DGKH: variants seen among roughly 807,000 people sequenced by gnomAD.
The protein encoded by DGKH is DAG kinase eta.
DGKH carries 90 observed loss-of-function variants against 159.3 expected under a neutral mutation model. The ratio of observed to expected loss-of-function variants is 0.57; its 90% CI spans 0.48 to 0.67. DGKH has a LOEUF of 0.67. DGKH is among the 30% of genes least tolerant of loss of function. The pLI, the probability that DGKH is intolerant of heterozygous loss-of-function variation, is 0.00. For missense variants in DGKH, 1,181 were observed against 1,506.1 expected (o/e 0.78, Z 3.57); for synonymous variants, 536 against 553.8 (o/e 0.97, Z 0.45).
At chr13:42,068,091 TAC>T (rs996957668) in intron 1 of DGKH, among the ~76,000 whole-genome samples, 4 of 152,164 alleles carry the variant, frequency 2.6e-5, no homozygotes, top group African/African-American at 9.7e-5. Context: ...CAAATTCCTA[TAC>T]ACAGTGAGCA....
chr13:42,174,060 G>A lies in DGKH; in HGVS notation c.1368G>A (p.Arg456=), dbSNP rs1956539273. Residue 456 remains arginine, a splice_region_variant and synonymous_variant, in exon 12 of 30, where the codon AGG becomes AGA. Coordinates refer to ENST00000337343, the MANE Select transcript of DGKH (RefSeq NM_178009.5). The stretch of plus-strand genomic sequence containing the variant: ...GACCAAAGAGTTTTTCTCCCTTCAG[G>A]TGGAGTATAATGACATATGAACTCA... ...LERASTKMLD[R]WSIMTYELKL... is the part of the protein sequence containing the mutation. The A allele has an allele frequency of 6.2e-7, 1 of 1,611,776 alleles. No homozygotes were observed. The highest frequency in any genetic ancestry group is 1.3e-5 in the African/African-American group (1 of 74,664).
chr13:42,132,111 T>G (rs1484141153), intron 3 of DGKH, among the ~76,000 whole-genome samples: 2 of 152,212 alleles, frequency 1.3e-5, no homozygotes, highest in East Asian at 3.8e-4. Flanking sequence ...TTTCCCCCAA[T>G]CAACATTTAT....
At chr13:42,129,876 TTAAG>T (rs1241299004) in intron 3 of DGKH, among the ~76,000 whole-genome samples, 2 of 152,226 alleles carry the variant, frequency 1.3e-5, no homozygotes, top group African/African-American at 2.4e-5. Flanking sequence ...TTTTAGTGCT[TTAAG>T]TTTTTCACCT....
At chr13:42,223,226 T>A (rs1958030481) in intron 29 of DGKH, among the ~76,000 whole-genome samples, 1 of 152,146 alleles carries the variant, frequency 6.6e-6, no homozygotes, top group African/African-American at 2.4e-5. Context: ...CAGCGGCAAG[T>A]CCTTCAGACC....
At chr13:42,056,053 A>G (rs1325564483) in intron 1 of DGKH, among the ~76,000 whole-genome samples, 6 of 152,178 alleles carry the variant, frequency 3.9e-5, no homozygotes, top group Non-Finnish European at 2.9e-5. Flanking sequence ...ACTTGGAACC[A>G]CTGCTCTCCA....
chr13:42,070,982 C>T, intron 1 of DGKH: 1 of 1,320,966 alleles, frequency 7.6e-7, no homozygotes, highest in Non-Finnish European at 1.1e-6. Flanking sequence ...TCATTGTCTA[C>T]AGCAGAAAAA....
chr13:42,096,449 C>T (rs755429129), intron 1 of DGKH, among the ~76,000 whole-genome samples: 13 of 152,172 alleles, frequency 8.5e-5, no homozygotes, highest in Non-Finnish European at 1.6e-4. Flanking sequence ...CATAGTATTC[C>T]GTGGTGTATA....
intron 9 of DGKH, among the ~76,000 whole-genome samples, chr13:42,168,230 T>C (rs1956357034): frequency 6.6e-6 from 1 of 152,194 alleles, no homozygotes; most frequent in Admixed American, 6.5e-5. Context: ...AATTTTATCT[T>C]CATTTCTACT....
chr13:42,061,813 G>A (rs761889140), intron 1 of DGKH, among the ~76,000 whole-genome samples: 27 of 152,180 alleles, frequency 1.8e-4, no homozygotes, highest in Non-Finnish European at 3.7e-4. Flanking sequence ...TCTATTCTAG[G>A]TGCTGAGATG....
intron 26 of DGKH, among the ~76,000 whole-genome samples, chr13:42,217,421 T>C (rs960102480): frequency 6.6e-6 from 1 of 151,978 alleles, no homozygotes; most frequent in East Asian, 1.9e-4. Flanking sequence ...TTTTTTCTTT[T>C]CAATAGAGAC....
At chr13:42,253,337 G>A (rs1958633780) in intron 30 of DGKH, among the ~76,000 whole-genome samples, 1 of 152,160 alleles carries the variant, frequency 6.6e-6, no homozygotes, top group Admixed American at 6.5e-5. Flanking sequence ...GACACAGCAA[G>A]CAGAGGCCAT....
intron 1 of DGKH, among the ~76,000 whole-genome samples, chr13:42,053,036 G>C (rs1472446632): frequency 6.6e-6 from 1 of 151,918 alleles, no homozygotes; most frequent in Admixed American, 6.6e-5. Context: ...TCAGAATTTT[G>C]CATCAACATT....
At chr13:42,111,816 G>A (rs767647964) in intron 1 of DGKH, among the ~76,000 whole-genome samples, 19 of 152,182 alleles carry the variant, frequency 1.2e-4, no homozygotes, top group Non-Finnish European at 2.4e-4. Context: ...CACTTCTCAG[G>A]TTTGCACAGG....
intron 1 of DGKH, among the ~76,000 whole-genome samples, chr13:42,068,564 T>C (rs1882746735): frequency 6.6e-6 from 1 of 152,240 alleles, no homozygotes; most frequent in Admixed American, 6.5e-5. Flanking sequence ...GAAAAATGTC[T>C]TAGGATAAAA....
intron 1 of DGKH, among the ~76,000 whole-genome samples, chr13:42,108,006 C>T (rs1221660182): frequency 6.6e-6 from 1 of 152,148 alleles, no homozygotes; most frequent in African/African-American, 2.4e-5. Context: ...TTTGAGTGTT[C>T]TGTGTCACCT....
At position 42,236,599 on chromosome 13, in the gene DGKH, A is replaced by G. The variant is rs1958417543; in HGVS notation, c.*7411A>G. 6.6e-6 allele frequency: 1 copy of G among 152,174 alleles called. No individual in the cohort carries two copies. The highest frequency in any genetic ancestry group is 1.5e-5 in the Non-Finnish European group (1 of 68,030). The allele number at this position is 152,174 out of a possible 1,614,324, so 9.4% of individuals were successfully genotyped here. On this transcript the variant is annotated 3_prime_UTR_variant, in exon 30 of 30. Coordinates refer to ENST00000337343, the MANE Select transcript of DGKH (RefSeq NM_178009.5). ...GTTGAAGAGAGATCTCAGTGATTGT[A>G]CTGCCAATATGACATTCAAATGAAC...
chr13:42,199,663 C>T lies in DGKH; in HGVS notation c.2383C>T (p.Pro795Ser). 1 of 1,589,758 alleles carries T rather than the reference C, an allele frequency of 6.3e-7. No individual in the cohort carries two copies. The highest frequency in any genetic ancestry group is 8.5e-7 in the Non-Finnish European group (1 of 1,171,988). Residue 795 changes from proline to serine, a missense_variant, in exon 19 of 30, where the codon CCT (proline) becomes TCT (serine). By Grantham distance (74) the Pro-to-Ser change is moderately conservative (BLOSUM62 -1). This residue lies in a region of DGKH where 335 missense variants were observed against 495.2 expected (regional missense o/e 0.68). Coordinates refer to ENST00000337343, the MANE Select transcript of DGKH (RefSeq NM_178009.5). ...ATTTAATAATAAAAGAGAGGAGCAC[C>T]CTGAAAAATGCAGGTAATTTTAGTA... ...LEFNNKREEH[P>S]EKCRSRTKNL...
At chr13:42,172,955 A>G (rs1477628824) in intron 11 of DGKH, among the ~76,000 whole-genome samples, 4 of 151,222 alleles carry the variant, frequency 2.6e-5, no homozygotes, top group Admixed American at 2.0e-4. Flanking sequence ...GATTATAGGC[A>G]TGATTTACTG....
chr13:42,075,304 T>C (rs1267691899), intron 1 of DGKH, among the ~76,000 whole-genome samples: 2 of 152,210 alleles, frequency 1.3e-5, no homozygotes, highest in East Asian at 3.9e-4. Flanking sequence ...AGAAGATTGG[T>C]GGTGACCATG....
Sources: allele counts gnomAD v4.1 joint callset (sites outside exome capture counted in the v4.1 genomes callset), GRCh38; gene constraint gnomAD v4.1.1; regional missense constraint gnomAD v4.1.1; transcripts MANE v1.5; gene names NCBI Gene and HGNC (gene_info 2026-07-23, HGNC 2026-07-21).